RIC1: variants seen among roughly 807,000 people sequenced by gnomAD.
RIC1 encodes guanine nucleotide exchange factor subunit RIC1.
Under a neutral mutation model 169.0 loss-of-function variants are expected in RIC1, and 88 were observed. That is an observed-to-expected ratio of 0.52 (90% confidence interval 0.44 to 0.62). The LOEUF is 0.62. Ranked by LOEUF, RIC1 falls within the 20% of genes least tolerant of loss-of-function variation. The pLI is 0.00. For missense variants in RIC1, 1,877 were observed against 1,725.5 expected (o/e 1.09, Z -1.56); for synonymous variants, 790 against 601.5 (o/e 1.31, Z -4.59).
chr9:5,692,525 T>C (rs1024578063), intron 3 of RIC1, among the ~76,000 whole-genome samples: 12 of 152,072 alleles, frequency 7.9e-5, no homozygotes, highest in African/African-American at 2.9e-4. Flanking sequence ...AGAGTCTAAC[T>C]TCTAGTAACT....
At chr9:5,740,296 T>C (rs1825000870) in intron 8 of RIC1, among the ~76,000 whole-genome samples, 1 of 152,048 alleles carries the variant, frequency 6.6e-6, no homozygotes, top group South Asian at 2.1e-4. Flanking sequence ...CTATTAGAAA[T>C]AGAGTCCTTA....
At chr9:5,699,500 T>C (rs1822096101) in intron 3 of RIC1, among the ~76,000 whole-genome samples, 1 of 152,136 alleles carries the variant, frequency 6.6e-6, no homozygotes, top group Admixed American at 6.5e-5. Flanking sequence ...AATGTCTTTT[T>C]TTTTTTTTCA....
At chr9:5,690,320 G>A (rs1029161740) in intron 3 of RIC1, among the ~76,000 whole-genome samples, 1 of 152,010 alleles carries the variant, frequency 6.6e-6, no homozygotes, top group Non-Finnish European at 1.5e-5. Flanking sequence ...CCTTATTAGG[G>A]AAGAGCTAAG....
At chr9:5,762,791 T>A in intron 18 of RIC1, 131 bp downstream of exon 18, 1 of 1,198,052 alleles carries the variant, frequency 8.3e-7, no homozygotes, top group Non-Finnish European at 1.1e-6. Context: ...AAATCAGTCT[T>A]AAGCCTCTGG....
intron 6 of RIC1, among the ~76,000 whole-genome samples, chr9:5,727,282 C>T (rs1466150538): frequency 6.6e-6 from 1 of 152,144 alleles, no homozygotes; most frequent in Non-Finnish European, 1.5e-5. Flanking sequence ...CTAAACTTCT[C>T]TTCTCACTTC....
Position 5,629,596 on chromosome 9 carries a change from C to T in RIC1, c.144+143C>T, listed in dbSNP as rs542679721. 1.3e-3 allele frequency: 1,296 copies of T among 964,454 alleles called. 5 individuals are homozygous for T. The highest frequency in any genetic ancestry group is 9.6e-3 in the Middle Eastern group (28 of 2,928). 59.7% of individuals were successfully genotyped at this position (964,454 alleles called of 1,614,324 possible). ...CTTCGCAGTCCGCGTCCTCGTTCCACCGAATTGGCCGCAGGTACCCGCCGG... is the reference window on the plus strand; with the variant it reads ...CTTCGCAGTCCGCGTCCTCGTTCCATCGAATTGGCCGCAGGTACCCGCCGG... On this transcript the variant is annotated intron_variant, in intron 1 of 25. Transcript: ENST00000414202.
intron 2 of RIC1, among the ~76,000 whole-genome samples, chr9:5,665,567 T>C (rs1259352264): frequency 6.6e-6 from 1 of 152,212 alleles, no homozygotes; most frequent in African/African-American, 2.4e-5. Context: ...ATTTCTTATC[T>C]TTGTGGGCTT....
chr9:5,720,511 C>G (rs1379141079), intron 5 of RIC1, 103 bp from the exon 6 acceptor site: 1 of 1,245,582 alleles, frequency 8.0e-7, no homozygotes, highest in Non-Finnish European at 1.1e-6. Context: ...GTTGTTAGGT[C>G]ATTATTTTTA....
chr9:5,771,194 A>G (rs1204082527), intron 23 of RIC1, among the ~76,000 whole-genome samples: 1 of 152,200 alleles, frequency 6.6e-6, no homozygotes, highest in African/African-American at 2.4e-5. Flanking sequence ...AACTCTGTAT[A>G]TGTTACTTAA....
chr9:5,678,385 A>G (rs1397420946), intron 2 of RIC1, among the ~76,000 whole-genome samples: 2 of 151,898 alleles, frequency 1.3e-5, no homozygotes, highest in Non-Finnish European at 2.9e-5. Flanking sequence ...GCTGGGTCAA[A>G]TGGTATTTCT....
intron 1 of RIC1, among the ~76,000 whole-genome samples, chr9:5,640,381 A>G (rs1006033425): frequency 1.3e-5 from 2 of 152,120 alleles, no homozygotes; most frequent in East Asian, 1.9e-4. Context: ...TTAAAACTCT[A>G]CACTTTAACT....
chr9:5,758,994 C>T (rs535220751), intron 17 of RIC1, among the ~76,000 whole-genome samples: 4 of 152,104 alleles, frequency 2.6e-5, no homozygotes, highest in South Asian at 2.1e-4. Context: ...CTGCCCACCT[C>T]GGCCTCCCAA....
At position 5,747,337 on chromosome 9, in the gene RIC1, T is replaced by G; in HGVS notation, c.1284T>G (p.Asp428Glu). Residue 428 changes from aspartate to glutamate, a missense_variant, in exon 12 of 26, where the codon GAT becomes GAG. Around this residue, in one of 3 missense-constraint regions of RIC1, gnomAD observed 1,104 missense variants for 992.0 expected, o/e 1.11. Transcript: ENST00000414202. ...AGCAGGTGTTGCTTCAGGGTGAGGA[T>G]CGCTTGTACTTGAACTGTGGAGAGG... ...NQEQVLLQGE[D>E]RLYLNCGEAS... 1 of 1,614,112 alleles carries G rather than the reference T, an allele frequency of 6.2e-7. No homozygotes were observed.
chr9:5,741,122 G>A (rs1308024248), intron 8 of RIC1, among the ~76,000 whole-genome samples: 1 of 152,124 alleles, frequency 6.6e-6, no homozygotes, highest in Non-Finnish European at 1.5e-5. Context: ...GTTTTGGATT[G>A]GCAGTTATTT....
intron 6 of RIC1, among the ~76,000 whole-genome samples, chr9:5,724,769 A>G (rs989880892): frequency 4.6e-5 from 7 of 152,202 alleles, no homozygotes; most frequent in Non-Finnish European, 7.4e-5. Context: ...AGCAGGAAGG[A>G]CTGTTGAATT....
chr9:5,651,056 C>G (rs1475577799), intron 1 of RIC1, among the ~76,000 whole-genome samples: 1 of 152,120 alleles, frequency 6.6e-6, no homozygotes, highest in Non-Finnish European at 1.5e-5. Context: ...CCAGTGTGAG[C>G]TCTCTCTCTG....
At chr9:5,768,871 C>G (rs1586727052) in intron 21 of RIC1, 99 bp from the exon 22 acceptor site, 1 of 1,296,500 alleles carries the variant, frequency 7.7e-7, no homozygotes, top group East Asian at 2.3e-5. Flanking sequence ...TCTTGGATCT[C>G]TTATCTCCTT....
chr9:5,773,029 A>G lies in RIC1; in HGVS notation c.3932A>G (p.Gln1311Arg), dbSNP rs966072008. ...QSSEVDGEMLQNIKTGLHAVD... is the reference protein window; with the variant it reads ...QSSEVDGEMLRNIKTGLHAVD... ...TCAGAGGTAGATGGAGAGATGTTAC[A>G]GAACATAAAGACAGGGCTCCATGCA... Residue 1311 changes from glutamine to arginine, a missense_variant, in exon 25 of 26, where the codon CAG becomes CGG. Coordinates refer to ENST00000414202, the MANE Select transcript of RIC1 (RefSeq NM_020829.4). 4 of 1,613,692 alleles carry G rather than the reference A, an allele frequency of 2.5e-6. No individual in the cohort carries two copies. Among genetic ancestry groups the G allele is most frequent in the Non-Finnish European group, 2.5e-6 (3 of 1,179,822 alleles).
chr9:5,742,382 C>T (rs545937848), intron 8 of RIC1, among the ~76,000 whole-genome samples: 39 of 152,168 alleles, frequency 2.6e-4, no homozygotes, highest in Admixed American at 2.4e-3. Flanking sequence ...ATTCTATTCA[C>T]CATCTTAGTT....
Sources: gnomAD v4.1 joint callset for allele counts (sites outside exome capture counted in the v4.1 genomes callset) on GRCh38, gnomAD v4.1.1 for gene constraint, gnomAD v4.1.1 regional missense constraint, MANE v1.5 for transcripts, NCBI Gene and HGNC (gene_info 2026-07-23, HGNC 2026-07-21) for gene names.